Variants in LRP1B observed in about 807,000 individuals in gnomAD.
The protein encoded by LRP1B is LDL receptor related protein 1B.
LRP1B carries 217 observed loss-of-function variants against 556.6 expected under a neutral mutation model. The observed-to-expected ratio is 0.39, with a 90% CI of 0.35 to 0.44. LRP1B has a LOEUF of 0.44. LRP1B is among the 20% of genes least tolerant of loss of function. The pLI is 1.00. For synonymous variants in LRP1B, 2,047 were observed against 1,865.8 expected (o/e 1.10, Z -2.50); for missense variants, 5,053 against 5,620.8 (o/e 0.90, Z 3.23).
At chr2:140,993,845 C>A in intron 16 of LRP1B, 150 bp downstream of exon 16, 1 of 713,160 alleles carries the variant, frequency 1.4e-6, no homozygotes, top group East Asian at 2.7e-5. Flanking sequence ...AATCTATGGT[C>A]TACTCTTTAT....
At chr2:140,511,984 CA>C (rs1689683132) in intron 51 of LRP1B, among the ~76,000 whole-genome samples, 1 of 152,056 alleles carries the variant, frequency 6.6e-6, no homozygotes, top group African/African-American at 2.4e-5. Flanking sequence ...CTTTGTATAA[CA>C]TTTTTACTTT....
intron 66 of LRP1B, among the ~76,000 whole-genome samples, chr2:140,393,633 CAGGT>C (rs1189411531): frequency 6.6e-6 from 1 of 151,720 alleles, no homozygotes; most frequent in African/African-American, 2.4e-5. Context: ...AGTTGGGTAA[CAGGT>C]AGTAATGTTG....
chr2:141,849,167 A>G (rs13004344), intron 1 of LRP1B, among the ~76,000 whole-genome samples: 28,538 of 151,444 alleles, frequency 0.19, 3,198 homozygotes, highest in East Asian at 0.33. Context: ...CAGGCTTACA[A>G]TGTCTTGCAT....
intron 2 of LRP1B, among the ~76,000 whole-genome samples, chr2:141,690,396 A>AATAAATAAATAT (rs5834858): frequency 2.5e-3 from 66 of 26,844 alleles, no homozygotes; most frequent in African/African-American, 3.0e-3. Flanking sequence ...TACATCTATA[A>AATAAATAAATAT]ATATATATAT....
chr2:140,971,605 G>T (rs779260662), intron 18 of LRP1B, among the ~76,000 whole-genome samples: 9 of 152,108 alleles, frequency 5.9e-5, no homozygotes, highest in Admixed American at 5.2e-4. Context: ...TGGGAGATGG[G>T]CAGATCACGA....
chr2:141,921,889 T>A (rs1558963091), intron 1 of LRP1B, among the ~76,000 whole-genome samples: 1 of 152,002 alleles, frequency 6.6e-6, no homozygotes, highest in African/African-American at 2.4e-5. Flanking sequence ...GGTTTCAGAG[T>A]AGTGAAATAT....
intron 59 of LRP1B, among the ~76,000 whole-genome samples, chr2:140,480,202 G>C (rs924985800): frequency 6.6e-6 from 1 of 152,138 alleles, no homozygotes; most frequent in African/African-American, 2.4e-5. Context: ...ATTAGAAAAT[G>C]TTTTACAGAG....
intron 1 of LRP1B, among the ~76,000 whole-genome samples, chr2:142,034,572 T>C (rs890573469): frequency 5.9e-5 from 9 of 151,778 alleles, no homozygotes; most frequent in African/African-American, 2.2e-4. Context: ...TATTTACTTC[T>C]TACTGAAAGT....
intron 2 of LRP1B, among the ~76,000 whole-genome samples, chr2:141,706,372 T>G (rs560671692): frequency 2.5e-4 from 38 of 152,138 alleles, no homozygotes; most frequent in Non-Finnish European, 4.7e-4. Flanking sequence ...TTCATCTTTA[T>G]GTTTTCAGAA....
intron 1 of LRP1B, among the ~76,000 whole-genome samples, chr2:142,019,004 T>C (rs13011391): frequency 0.12 from 17,674 of 152,218 alleles, 1,376 homozygotes; most frequent in African/African-American, 0.21. Flanking sequence ...CTCATATCAC[T>C]GGTTTTCACT....
intron 32 of LRP1B, among the ~76,000 whole-genome samples, chr2:140,812,376 A>G (rs1690958708): frequency 6.6e-6 from 1 of 151,918 alleles, no homozygotes; most frequent in Non-Finnish European, 1.5e-5. Flanking sequence ...TGTTAAAACA[A>G]TCTCTTTCCT....
intron 20 of LRP1B, among the ~76,000 whole-genome samples, chr2:140,948,082 A>G (rs187393980): frequency 5.8e-4 from 88 of 152,290 alleles, no homozygotes; most frequent in Admixed American, 4.3e-3. Context: ...GGGAAAAGCA[A>G]TCTTTTAAAA....
chr2:141,350,982 A>C (rs889606759), intron 3 of LRP1B, among the ~76,000 whole-genome samples: 1 of 152,084 alleles, frequency 6.6e-6, no homozygotes, highest in Non-Finnish European at 1.5e-5. Context: ...CTGTATAATG[A>C]CAAGAATTTA....
intron 83 of LRP1B, among the ~76,000 whole-genome samples, chr2:140,309,348 G>A (rs1392016538): frequency 6.6e-6 from 1 of 151,718 alleles, no homozygotes; most frequent in African/African-American, 2.4e-5. Flanking sequence ...ACTTCTAGAA[G>A]GTTTATTTTC....
intron 47 of LRP1B, among the ~76,000 whole-genome samples, chr2:140,530,014 T>A (rs1447495540): frequency 2.6e-5 from 4 of 152,082 alleles, no homozygotes; most frequent in Non-Finnish European, 4.4e-5. Flanking sequence ...AAGCAATTCA[T>A]TGCAACACCC....
chr2:141,778,405 T>C (rs1695143467), intron 2 of LRP1B, among the ~76,000 whole-genome samples: 1 of 152,204 alleles, frequency 6.6e-6, no homozygotes, highest in South Asian at 2.1e-4. Context: ...CTCAAAATAG[T>C]CCTATTTATG....
intron 1 of LRP1B, among the ~76,000 whole-genome samples, chr2:142,032,818 C>A (rs1703752882): frequency 6.6e-6 from 1 of 151,754 alleles, no homozygotes; most frequent in Admixed American, 6.6e-5. Context: ...ACATAGGAGG[C>A]AGACCGAAGA....
At chr2:140,401,575 T>C (rs1347407710) in intron 66 of LRP1B, among the ~76,000 whole-genome samples, 1 of 152,166 alleles carries the variant, frequency 6.6e-6, no homozygotes, top group Non-Finnish European at 1.5e-5. Context: ...GCTATGCATC[T>C]CCACCTGCCC....
intron 25 of LRP1B, among the ~76,000 whole-genome samples, chr2:140,874,606 A>C (rs921206946): frequency 6.6e-6 from 1 of 151,630 alleles, no homozygotes; most frequent in African/African-American, 2.4e-5. Context: ...CTTAGGAAAA[A>C]AACTAAGATT....
Sources: gnomAD v4.1 joint callset for allele counts (sites outside exome capture counted in the v4.1 genomes callset) on GRCh38, gnomAD v4.1.1 for gene constraint, MANE v1.5 for transcripts, NCBI Gene and HGNC (gene_info 2026-07-23, HGNC 2026-07-21) for gene names.